ZBTB20: variants seen among roughly 807,000 people sequenced by gnomAD.
The protein encoded by ZBTB20 is zinc finger and BTB domain containing 20, also known as zinc finger and BTB domain-containing protein 20.
In ZBTB20, 9 loss-of-function variants were observed where a neutral mutation model predicts 56.9. The observed-to-expected ratio is 0.16, with a 90% confidence interval of 0.10 to 0.28. ZBTB20 has a LOEUF of 0.28. Among genes scored for constraint, ZBTB20 ranks in the 10% least tolerant of loss-of-function variants. The probability of loss-of-function intolerance (pLI) is 1.00; values close to 1 mark genes in which losing one functional copy is unlikely to be tolerated. For missense variants in ZBTB20, 655 were observed against 1,003.0 expected, an observed-to-expected ratio of 0.65 and a Z score of 4.69; for synonymous variants, 417 against 420.7, an observed-to-expected ratio of 0.99 and a Z score of 0.11.
chr3:114,509,116 A>C (rs1188898026), intron 6 of ZBTB20, among the ~76,000 whole-genome samples: 3 of 152,124 alleles, frequency 2.0e-5, no homozygotes, highest in Non-Finnish European at 4.4e-5. Flanking sequence ...GGTTGTTAGA[A>C]TTAGCAAAAC....
chr3:114,456,716 T>C, intron 7 of ZBTB20, among the ~76,000 whole-genome samples: 1 of 152,200 alleles, frequency 6.6e-6, no homozygotes, highest in African/African-American at 2.4e-5. Context: ...CAATGGGTAA[T>C]TGAAGGTCCA....
chr3:114,378,945 C>T (rs1490161304), intron 10 of ZBTB20: 2 of 152,218 alleles, frequency 1.3e-5, no homozygotes, highest in East Asian at 1.9e-4. Flanking sequence ...ATTTGTCTCA[C>T]GTTACTTCCC....
intron 1 of ZBTB20, among the ~76,000 whole-genome samples, chr3:115,094,160 A>G (rs1171441115): frequency 6.6e-6 from 1 of 152,064 alleles, no homozygotes; most frequent in Admixed American, 6.6e-5. Flanking sequence ...AGAACTAGAG[A>G]AAGTAAGGGC....
chr3:114,484,930 T>C (rs1392847984), intron 7 of ZBTB20, among the ~76,000 whole-genome samples: 1 of 152,162 alleles, frequency 6.6e-6, no homozygotes, highest in Non-Finnish European at 1.5e-5. Flanking sequence ...GTAATCCCCA[T>C]ATAATAATAT....
intron 6 of ZBTB20, among the ~76,000 whole-genome samples, chr3:114,597,064 C>A (rs1030738377): frequency 6.6e-6 from 1 of 151,900 alleles, no homozygotes; most frequent in South Asian, 2.1e-4. Flanking sequence ...ATATAAAGGC[C>A]CACAGGCACA....
intron 2 of ZBTB20, among the ~76,000 whole-genome samples, chr3:114,978,886 AT>A (rs1460716590): frequency 6.6e-6 from 1 of 151,928 alleles, no homozygotes; most frequent in East Asian, 1.9e-4. Flanking sequence ...GGAAAGAAAA[AT>A]TTAATTTATA....
At chr3:114,603,870 C>A in intron 6 of ZBTB20, among the ~76,000 whole-genome samples, 1 of 151,814 alleles carries the variant, frequency 6.6e-6, no homozygotes, top group Non-Finnish European at 1.5e-5. Context: ...ATACAATTGG[C>A]AAAAATCCAA....
chr3:115,029,133 T>C (rs1415606110), intron 2 of ZBTB20, among the ~76,000 whole-genome samples: 1 of 150,352 alleles, frequency 6.7e-6, no homozygotes, highest in Admixed American at 6.7e-5. Context: ...CAATCTCTTA[T>C]TACCAATGAT....
intron 3 of ZBTB20, among the ~76,000 whole-genome samples, chr3:114,901,666 A>G (rs1164316631): frequency 6.6e-6 from 1 of 152,180 alleles, no homozygotes; most frequent in Admixed American, 6.5e-5. Flanking sequence ...AGCATAGCAC[A>G]TCTATATAAA....
intron 6 of ZBTB20, among the ~76,000 whole-genome samples, chr3:114,538,566 C>T (rs2048744827): frequency 6.6e-6 from 1 of 152,108 alleles, no homozygotes; most frequent in Non-Finnish European, 1.5e-5. Context: ...CCCTACCCTA[C>T]TCTATTTCAC....
At chr3:115,060,744 T>C (rs2081983327) in intron 2 of ZBTB20, among the ~76,000 whole-genome samples, 1 of 152,160 alleles carries the variant, frequency 6.6e-6, no homozygotes, top group South Asian at 2.1e-4. Context: ...TTTTATCAAA[T>C]CCCTTGTTTA....
At chr3:114,780,106 T>C (rs1297469654) in intron 5 of ZBTB20, among the ~76,000 whole-genome samples, 3 of 152,234 alleles carry the variant, frequency 2.0e-5, no homozygotes, top group Non-Finnish European at 2.9e-5. Flanking sequence ...GTATCAATGA[T>C]TGTCATGATA....
In ZBTB20 at chr3:114,979,267, A is replaced by G. The variant is rs868631119; in HGVS notation, c.-506-4851T>C. 5.1e-4 allele frequency among the ~76,000 whole-genome samples: 77 copies of G among 152,178 alleles called. 1 individual carries two copies. Among genetic ancestry groups the G allele is most frequent in the South Asian group, 3.9e-3 (19 of 4,828 alleles). ...ATAGATGAAATGTTCATCGATTTCA[A>G]TGATAGGACTACTGTATAAAGAGAG... On this transcript the variant is annotated intron_variant, in intron 2 of 11. Transcript: ENST00000675478.
chr3:114,951,684 A>G (rs140761227), intron 3 of ZBTB20, among the ~76,000 whole-genome samples: 2 of 152,232 alleles, frequency 1.3e-5, no homozygotes, highest in East Asian at 1.9e-4. Flanking sequence ...CATTCTCCAT[A>G]GAATTTCAAT....
chr3:114,791,133 T>C (rs1451274904), intron 5 of ZBTB20, among the ~76,000 whole-genome samples: 1 of 152,162 alleles, frequency 6.6e-6, no homozygotes, highest in Non-Finnish European at 1.5e-5. Flanking sequence ...GTCATTAAGA[T>C]AGGAGAAAGT....
chr3:114,959,829 C>T (rs1035752554), intron 3 of ZBTB20, among the ~76,000 whole-genome samples: 4 of 151,720 alleles, frequency 2.6e-5, no homozygotes, highest in African/African-American at 9.7e-5. Context: ...GTGGCAAATA[C>T]AAAAGTCTTT....
intron 10 of ZBTB20, among the ~76,000 whole-genome samples, chr3:114,370,969 T>C (rs149155906): frequency 6.6e-6 from 1 of 152,188 alleles, no homozygotes; most frequent in South Asian, 2.1e-4. Context: ...ATCCTCCCCA[T>C]TCCTCCTATT....
chr3:114,413,152 A>G (rs1158786618), intron 7 of ZBTB20, among the ~76,000 whole-genome samples: 4 of 152,206 alleles, frequency 2.6e-5, no homozygotes, highest in African/African-American at 9.6e-5. Context: ...TATTAATTAA[A>G]ATAATCATGA....
chr3:114,517,144 A>G (rs1388860134), intron 6 of ZBTB20, among the ~76,000 whole-genome samples: 2 of 151,366 alleles, frequency 1.3e-5, no homozygotes, highest in Non-Finnish European at 3.0e-5. Flanking sequence ...TAATCAATCT[A>G]TCAATCAATA....
Sources: gnomAD v4.1 joint callset for allele counts (sites outside exome capture counted in the v4.1 genomes callset) on GRCh38, gnomAD v4.1.1 for gene constraint, MANE v1.5 for transcripts, NCBI Gene and HGNC (gene_info 2026-07-23, HGNC 2026-07-21) for gene names.